Variants in AGRN observed in about 807,000 individuals in gnomAD.
AGRN encodes agrin proteoglycan.
A neutral mutation model predicts 211.0 loss-of-function variants in AGRN; 106 were observed. The observed-to-expected ratio is 0.50, with a 90% CI of 0.43 to 0.59. The LOEUF is 0.59. Among genes scored for constraint, AGRN ranks in the 20% least tolerant of loss-of-function variants. AGRN has a pLI of 0.00. For synonymous variants in AGRN, 1,525 were observed against 1,332.5 expected, an observed-to-expected ratio of 1.14 and a Z score of -3.15; for missense variants, 3,040 against 2,982.6, an observed-to-expected ratio of 1.02 and a Z score of -0.45.
chr1:1,050,989 C>T (rs13303319), intron 30 of AGRN, 152 bp downstream of exon 30: 1 of 1,550,688 alleles, frequency 6.4e-7, no homozygotes. Flanking sequence ...CCTCCCTGCT[C>T]TCTGCTCTCG....
chr1:1,055,127 G>A lies in AGRN; in HGVS notation c.*146G>A, dbSNP rs1021749225. 2 of 1,347,020 alleles carry A rather than the reference G, an allele frequency of 1.5e-6. No individual in the cohort carries two copies. The highest frequency in any genetic ancestry group is 2.0e-6 in the Non-Finnish European group (2 of 981,962). The allele number at this position is 1,347,020 out of a possible 1,614,324, so 83.4% of individuals were successfully genotyped here. A position where few individuals can be genotyped will look rare whatever the true frequency, so the allele number is the denominator to read the frequency against. On this transcript the variant is annotated 3_prime_UTR_variant, in exon 36 of 36. Transcript: ENST00000379370. ...CGTCCAGGCAGCCGTGCTGCAGACA[G>A]ACCTAGTGCCGAGGGATGGACAGGC...
At chr1:1,053,274 G>A (rs1055456163) in intron 33 of AGRN, 8 of 396,456 alleles carry the variant, frequency 2.0e-5, no homozygotes, top group South Asian at 8.6e-5. Context: ...GCACCCTCAC[G>A]TGTCTCGTGT....
At chr1:1,039,485 C>T (rs936552089) in intron 3 of AGRN, among the ~76,000 whole-genome samples, 6 of 151,790 alleles carry the variant, frequency 4.0e-5, no homozygotes, top group African/African-American at 1.5e-4. Context: ...TCTGACATGA[C>T]TTATTAATGA....
intron 3 of AGRN, among the ~76,000 whole-genome samples, chr1:1,039,739 T>C (rs927745485): frequency 1.3e-5 from 2 of 151,616 alleles, no homozygotes; most frequent in Non-Finnish European, 2.9e-5. Context: ...CCTGCACCTC[T>C]CCAAGAAGGA....
rs554306229 is a variant in AGRN, at chr1:1,047,644, C to T, written c.3588C>T (p.Pro1196=). 7.4e-6 allele frequency: 12 copies of T among 1,613,086 alleles called. No individual in the cohort carries two copies. The highest frequency in any genetic ancestry group is 4.0e-5 in the African/African-American group (3 of 75,058). ...FRSVRLRDLG[P]GKSVRAIVDV... is the part of the protein sequence containing the mutation. The stretch of plus-strand genomic sequence containing the variant: ...GTGTCCGCTTGCGGGACCTGGGGCC[C>T]GGCAAATCCGTCCGCGCCATTGTGG... Residue 1196 remains proline, a synonymous_variant, in exon 21 of 36, where the codon CCC becomes CCT. Transcript: ENST00000379370.
intron 1 of AGRN, 101 bp from the exon 2 acceptor site, chr1:1,022,100 C>T (rs956737750): frequency 6.8e-6 from 10 of 1,469,236 alleles, no homozygotes; most frequent in Non-Finnish European, 9.4e-6. Flanking sequence ...CTGCCCAGGG[C>T]TTGAGTCTAC....
chr1:1,033,565 G>A (rs147784721), intron 2 of AGRN, among the ~76,000 whole-genome samples: 4,467 of 146,684 alleles, frequency 0.03, 210 homozygotes, highest in East Asian at 0.16. Context: ...CTGCTCCCCC[G>A]GCCCAGCCCC....
chr1:1,054,164 G>A (rs759736679), intron 34 of AGRN, among the ~76,000 whole-genome samples, 187 bp downstream of exon 34: 2 of 152,222 alleles, frequency 1.3e-5, no homozygotes, highest in Non-Finnish European at 2.9e-5. Context: ...CAGTTTCCAC[G>A]TCTGAAAGGC....
In AGRN at chr1:1,049,356, G is replaced by C; in HGVS notation, c.4419G>C (p.Glu1473Asp). The C allele has an allele frequency of 6.3e-7, 1 of 1,597,992 alleles. No individual in the cohort carries two copies. Among genetic ancestry groups the C allele is most frequent in the South Asian group, 1.1e-5 (1 of 90,926 alleles). ...WRRGTLSVDGETPVLGESPSG... is the reference protein window; with the variant it reads ...WRRGTLSVDGDTPVLGESPSG... ...GGGGCACCCTCTCGGTGGATGGTGA[G>C]ACCCCTGTTCTGGGCGAGAGTCCCA... The change falls in exon 25 of 36, where the codon GAG becomes GAC. Residue 1473 changes from glutamate (E) to aspartate (D), a missense_variant. By Grantham distance (45) the Glu-to-Asp change is conservative. Around this residue, in one of 3 missense-constraint regions of AGRN, gnomAD observed 1,537 missense variants for 1,505.0 expected, o/e 1.02. Transcript: ENST00000379370.
Position 1,049,810 on chromosome 1 carries a change from G to C in AGRN, c.4744+15G>C. The C allele has an allele frequency of 2.5e-6, 4 of 1,604,844 alleles. No homozygotes were observed. Among genetic ancestry groups the C allele is most frequent in the Non-Finnish European group, 3.4e-6 (4 of 1,176,344 alleles). Reference sequence around the variant, plus strand: ...CGGCCGCGTCGGTGAGGGTGGGGCCGGGGCGGGTGGGAGTGGGACCCCGGG... The same window carrying C: ...CGGCCGCGTCGGTGAGGGTGGGGCCCGGGCGGGTGGGAGTGGGACCCCGGG... On this transcript the variant is annotated intron_variant, in intron 26 of 35. Transcript: ENST00000379370.
At chr1:1,028,456 G>A (rs1308918184) in intron 2 of AGRN, among the ~76,000 whole-genome samples, 3 of 152,074 alleles carry the variant, frequency 2.0e-5, no homozygotes, top group Non-Finnish European at 4.4e-5. Context: ...CTGCATTCGA[G>A]CCTGTGTGCG....
At chr1:1,053,277 T>A in intron 33 of AGRN, 1 of 406,090 alleles carries the variant, frequency 2.5e-6, no homozygotes, top group Non-Finnish European at 4.2e-6. Flanking sequence ...CCCTCACGTG[T>A]CTCGTGTCCG....
chr1:1,045,288 G>A lies in AGRN; in HGVS notation c.2371+11G>A, dbSNP rs369036771. ...TGGCTGGCTGCCCCAGTGAGTACCT[G>A]AGCTCAGCCCCGACCCCGGGCCTGG... On this transcript the variant is annotated intron_variant, in intron 13 of 35. Transcript: ENST00000379370. 3.4e-4 allele frequency: 554 copies of A among 1,611,942 alleles called. 3 individuals are homozygous for A. In the South Asian group the frequency reaches 5.8e-3, roughly 17 times the overall value.
Position 1,042,013 on chromosome 1 carries a change from C to G in AGRN, c.1235C>G (p.Pro412Arg). Residue 412 changes from proline (P) to arginine (R), a missense_variant, in exon 7 of 36, where the codon CCC (proline) becomes CGC (arginine). Pro to Arg is a moderately radical substitution (Grantham distance 103). Around this residue, in one of 3 missense-constraint regions of AGRN, gnomAD observed 1,498 missense variants for 1,457.8 expected, o/e 1.03. Coordinates refer to ENST00000379370, the MANE Select transcript of AGRN (RefSeq NM_198576.4). ...NAVCLSRRGRPRCSCDRVTCD... is the reference protein window; with the variant it reads ...NAVCLSRRGRRRCSCDRVTCD... ...GTGTGCCTGTCCCGCCGTGGCCGTC[C>G]CCGCTGCTCCTGCGACCGCGTCACC... 1 of 1,611,300 alleles carries G rather than the reference C, an allele frequency of 6.2e-7. No homozygotes were observed. The highest frequency in any genetic ancestry group is 8.5e-7 in the Non-Finnish European group (1 of 1,179,656).
chr1:1,038,786 T>C (rs901835525), intron 3 of AGRN, among the ~76,000 whole-genome samples: 5 of 151,958 alleles, frequency 3.3e-5, no homozygotes, highest in African/African-American at 1.2e-4. Context: ...CAGGTGCCCG[T>C]TGGATTTGGA....
chr1:1,042,204 C>T (rs1644963972), intron 7 of AGRN, 42 bp downstream of exon 7: 1 of 1,560,382 alleles, frequency 6.4e-7, no homozygotes, highest in African/African-American at 1.3e-5. Flanking sequence ...TGGGCTGCTC[C>T]TGCGTCAGTC....
At position 1,048,266 on chromosome 1, in the gene AGRN, C is replaced by G. The variant is rs1243691353; in HGVS notation, c.4006C>G (p.Gln1336Glu). The change falls in exon 23 of 36, where the codon CAG becomes GAG. Residue 1336 changes from glutamine to glutamate, a missense_variant. Gln to Glu is a conservative substitution (Grantham distance 29). Around this residue, in one of 3 missense-constraint regions of AGRN, gnomAD observed 1,537 missense variants for 1,505.0 expected, o/e 1.02. Transcript: ENST00000379370. This position sits in a 1 kb window ranked among gnomAD's most constrained non-coding sequence, Gnocchi z 5.9. ...PQQPPKPCDSQPCFHGGTCQD... is the reference protein window; with the variant it reads ...PQQPPKPCDSEPCFHGGTCQD... ...GCAGCCTCCAAAGCCCTGTGACTCA[C>G]AGCCCTGCTTCCACGGGGGGACCTG... 2.0e-6 allele frequency: 3 copies of G among 1,535,400 alleles called. No homozygotes were observed. Among genetic ancestry groups the G allele is most frequent in the Non-Finnish European group, 2.6e-6 (3 of 1,137,718 alleles).
Position 1,051,661 on chromosome 1 carries a change from G to A in AGRN, c.5563+16G>A. ...TGCGAGAAGGGTGAGCCTGGCACAG[G>A]GCAGGGGGCGGAGGCCGGATGGGCC... On this transcript the variant is annotated intron_variant, in intron 32 of 35. Coordinates refer to ENST00000379370, the MANE Select transcript of AGRN (RefSeq NM_198576.4). 6.2e-7 allele frequency: 1 copy of A among 1,612,798 alleles called. No individual in the cohort carries two copies. The highest frequency in any genetic ancestry group is 8.5e-7 in the Non-Finnish European group (1 of 1,179,858).
Position 1,049,118 on chromosome 1 carries a change from G to GA in AGRN, c.4298+59_4298+60insA, listed in dbSNP as rs1426365728. On this transcript the variant is annotated intron_variant, in intron 24 of 35. Coordinates refer to ENST00000379370, the MANE Select transcript of AGRN (RefSeq NM_198576.4). ...AGGTGGGCGGGGAGGGGACGGGCGG[G>GA]GGAGGGGGGGCCGGGGCAGCTCAGG... The GA allele has an allele frequency of 4.2e-6, 4 of 946,164 alleles. No individual in the cohort carries two copies. The African/African-American group carries it at 9.1e-5, about 21-fold the overall frequency. 58.6% of individuals were successfully genotyped at this position (946,164 alleles called of 1,614,324 possible).
Sources: allele counts gnomAD v4.1 joint callset (sites outside exome capture counted in the v4.1 genomes callset), GRCh38; gene constraint gnomAD v4.1.1; regional missense constraint gnomAD v4.1.1; non-coding constraint Gnocchi (gnomAD v3.1); transcripts MANE v1.5; gene names NCBI Gene and HGNC (gene_info 2026-07-23, HGNC 2026-07-21).